The following TMEM30A variants were observed in gnomAD, a reference collection of about 807,000 sequenced individuals.
TMEM30A encodes cell division cycle 50 P4-ATPase accessory subunit A.
A neutral mutation model predicts 38.2 loss-of-function variants in TMEM30A; 24 were observed. That is an observed-to-expected ratio of 0.63 (90% CI 0.46 to 0.88). TMEM30A has a LOEUF of 0.88. Among genes scored for constraint, TMEM30A ranks in the 40% least tolerant of loss-of-function variants. The pLI is 0.00. For synonymous variants in TMEM30A, 145 were observed against 161.6 expected, an observed-to-expected ratio of 0.90 and a Z score of 0.78; for missense variants, 370 against 458.6, an observed-to-expected ratio of 0.81 and a Z score of 1.77.
At position 75,256,198 on chromosome 6, in the gene TMEM30A, G is replaced by T; in HGVS notation, c.990C>A (p.Ile330=). 2 of 1,613,374 alleles carry T rather than the reference G, an allele frequency of 1.2e-6. No homozygotes were observed. The highest frequency in any genetic ancestry group is 1.1e-5 in the South Asian group (1 of 91,034). ...GKNPFLGIAY[I]AVGSISFLLG... ...GAAGGAAGGAGATGGATCCAACAGC[G>T]ATGTAAGCAATCCCCAAAAATGGAT... Residue 330 remains isoleucine (I), a synonymous_variant, in exon 7 of 7, where the codon ATC becomes ATA. Coordinates refer to ENST00000230461, the MANE Select transcript of TMEM30A (RefSeq NM_018247.4).
At chr6:75,277,242 A>G (rs1276062926) in intron 1 of TMEM30A, among the ~76,000 whole-genome samples, 1 of 151,058 alleles carries the variant, frequency 6.6e-6, no homozygotes, top group East Asian at 2.0e-4. Context: ...TCAGATGGCT[A>G]AAGTATGAAT....
chr6:75,259,603 G>A (rs1303922965), intron 4 of TMEM30A, 113 bp from the exon 5 acceptor site: 1 of 868,920 alleles, frequency 1.2e-6, no homozygotes, highest in East Asian at 2.8e-5. Flanking sequence ...GGTTGTGACA[G>A]AGTAGGCATA....
chr6:75,268,825 G>T (rs1772115454), intron 1 of TMEM30A, among the ~76,000 whole-genome samples: 1 of 152,266 alleles, frequency 6.6e-6, no homozygotes, highest in East Asian at 1.9e-4. Context: ...ATTGCAGCTG[G>T]TGTCTGAAGT....
At position 75,255,363 on chromosome 6, in the gene TMEM30A, A is replaced by C. The variant is rs1318301706; in HGVS notation, c.*739T>G. 1 of 152,576 alleles carries C rather than the reference A, an allele frequency of 6.6e-6. No individual in the cohort carries two copies. The highest frequency in any genetic ancestry group is 2.4e-5 in the African/African-American group (1 of 41,452). 9.5% of individuals were successfully genotyped at this position (152,576 alleles called of 1,614,324 possible). On this transcript the variant is annotated 3_prime_UTR_variant, in exon 7 of 7. Transcript: ENST00000230461. ...CCTTATAAAGTATAAGCTTCAAGGG[A>C]AATGATTACATATAAAAACATTCCA... is the stretch of plus-strand genomic sequence containing the variant.
intron 3 of TMEM30A, among the ~76,000 whole-genome samples, chr6:75,263,544 A>G (rs1402167115): frequency 1.3e-5 from 2 of 152,206 alleles, no homozygotes; most frequent in Non-Finnish European, 2.9e-5. Context: ...TTTTGCATGG[A>G]AGGGCACTTA....
At chr6:75,273,761 A>G (rs1435535119) in intron 1 of TMEM30A, among the ~76,000 whole-genome samples, 1 of 152,236 alleles carries the variant, frequency 6.6e-6, no homozygotes, top group African/African-American at 2.4e-5. Flanking sequence ...GATGGATATC[A>G]CAGTTATACA....
At position 75,265,223 on chromosome 6, in the gene TMEM30A, T is replaced by C; in HGVS notation, c.453+8A>G. On this transcript the variant is annotated splice_region_variant and intron_variant, in intron 3 of 6. Transcript: ENST00000230461. ...ATATCATATTTTCATATTTATCATT[T>C]TACTTACAAGCAAAGCACTAGAATC... 1 of 1,510,380 alleles carries C rather than the reference T, an allele frequency of 6.6e-7. No individual in the cohort carries two copies. The highest frequency in any genetic ancestry group is 1.2e-5 in the South Asian group (1 of 85,286). The allele number at this position is 1,510,380 out of a possible 1,614,324, so 93.6% of individuals were successfully genotyped here.
chr6:75,259,929 T>G (rs1162564917), intron 4 of TMEM30A, among the ~76,000 whole-genome samples: 1 of 152,158 alleles, frequency 6.6e-6, no homozygotes. Context: ...GTTCTATAAG[T>G]GTACAATACA....
chr6:75,260,418 AG>A (rs1771945060), intron 4 of TMEM30A, among the ~76,000 whole-genome samples: 1 of 152,036 alleles, frequency 6.6e-6, no homozygotes, highest in African/African-American at 2.4e-5. Flanking sequence ...AAAAAGAAAA[AG>A]GAAAAAAAAA....
intron 3 of TMEM30A, 49 bp from the exon 4 acceptor site, chr6:75,260,960 G>A: frequency 7.6e-7 from 1 of 1,312,862 alleles, no homozygotes; most frequent in Non-Finnish European, 1.1e-6. Flanking sequence ...CAGGCCTTTG[G>A]GAGAACTATG....
chr6:75,259,510 G>A lies in TMEM30A; in HGVS notation c.542-20C>T, dbSNP rs369832254. On this transcript the variant is annotated intron_variant, in intron 4 of 6. Coordinates refer to ENST00000230461, the MANE Select transcript of TMEM30A (RefSeq NM_018247.4). The stretch of plus-strand genomic sequence containing the variant: ...ATGTATCTAAACACAAGCAAAGAAA[G>A]ACATTACTAACTATCTCTTGAAAAC... The A allele has an allele frequency of 6.3e-7, 1 of 1,574,944 alleles. No individual in the cohort carries two copies. The highest frequency in any genetic ancestry group is 8.6e-7 in the Non-Finnish European group (1 of 1,162,304).
rs1399182063 is a variant in TMEM30A at position 75,258,826 on chromosome 6, T to C, written c.846A>G (p.Leu282=). The C allele has an allele frequency of 2.5e-6, 4 of 1,613,978 alleles. No individual in the cohort carries two copies. In the African/African-American group the frequency reaches 4.0e-5, roughly 16 times the overall value. ...LYRLIERKSD[L]HPTLPAGRYS... Reference sequence around the variant, plus strand: ...ATCGGCCAGCTGGTAATGTTGGATGTAAATCACTTTTCCTTTCTATAAGAC... The same window carrying C: ...ATCGGCCAGCTGGTAATGTTGGATGCAAATCACTTTTCCTTTCTATAAGAC... Residue 282 remains leucine (L), a synonymous_variant, in exon 6 of 7, where the codon TTA becomes TTG. Coordinates refer to ENST00000230461, the MANE Select transcript of TMEM30A (RefSeq NM_018247.4).
chr6:75,256,109 G>T lies in TMEM30A; in HGVS notation c.1079C>A (p.Thr360Asn), dbSNP rs758427537. 4 of 1,598,740 alleles carry T rather than the reference G, an allele frequency of 2.5e-6. No homozygotes were observed. The Admixed American group carries it at 6.8e-5, about 27-fold the overall frequency. Residue 360 changes from threonine to asparagine, a missense_variant, in exon 7 of 7, where the codon ACC (threonine) becomes AAC (asparagine). Thr to Asn is a moderately conservative substitution (Grantham distance 65). Coordinates refer to ENST00000230461, the MANE Select transcript of TMEM30A (RefSeq NM_018247.4). ...YRNSSNTADI[T>N]I ...TGCTTTCATAATATAAAATTAAATGGTAATGTCAGCTGTATTACTACTGTT... is the reference window on the plus strand; with the variant it reads ...TGCTTTCATAATATAAAATTAAATGTTAATGTCAGCTGTATTACTACTGTT...
Position 75,284,705 on chromosome 6 carries a change from A to C in TMEM30A, c.-67T>G. The C allele has an allele frequency of 1.3e-6, 2 of 1,542,448 alleles. No individual in the cohort carries two copies. Among genetic ancestry groups the C allele is most frequent in the Non-Finnish European group, 1.8e-6 (2 of 1,124,734 alleles). ...CCAGGGGGCCCGCCGGCTGACCCTG[A>C]CAGGAACCGCTCGAGCGCCGCTGCC... On this transcript the variant is annotated 5_prime_UTR_variant, in exon 1 of 7. Coordinates refer to ENST00000230461, the MANE Select transcript of TMEM30A (RefSeq NM_018247.4).
chr6:75,273,906 T>C (rs1772216314), intron 1 of TMEM30A, among the ~76,000 whole-genome samples: 1 of 152,232 alleles, frequency 6.6e-6, no homozygotes, highest in African/African-American at 2.4e-5. Flanking sequence ...CTGAGTTTCA[T>C]TCACTCATTC....
chr6:75,277,020 T>C (rs1772272539), intron 1 of TMEM30A, among the ~76,000 whole-genome samples: 1 of 152,208 alleles, frequency 6.6e-6, no homozygotes, highest in African/African-American at 2.4e-5. Context: ...TTACTGAGGC[T>C]TCCCCTGGCT....
chr6:75,278,123 A>G (rs2149524492), intron 1 of TMEM30A, among the ~76,000 whole-genome samples: 1 of 152,308 alleles, frequency 6.6e-6, no homozygotes, highest in South Asian at 2.1e-4. Flanking sequence ...GAGTTTCACT[A>G]TGAAATCAAG....
chr6:75,266,249 T>A (rs1198762995), intron 2 of TMEM30A, among the ~76,000 whole-genome samples: 1 of 152,226 alleles, frequency 6.6e-6, no homozygotes, highest in Non-Finnish European at 1.5e-5. Flanking sequence ...TTTGATTTGC[T>A]ATTTTTATAT....
chr6:75,284,209 C>G, intron 1 of TMEM30A, 193 bp downstream of exon 1: 1 of 647,674 alleles, frequency 1.5e-6, no homozygotes, highest in Non-Finnish European at 2.7e-6. Context: ...CAAGACAAAG[C>G]TAGGACAAAC....
Sources: gnomAD v4.1 joint callset for allele counts (sites outside exome capture counted in the v4.1 genomes callset) on GRCh38, gnomAD v4.1.1 for gene constraint, MANE v1.5 for transcripts, NCBI Gene and HGNC (gene_info 2026-07-23, HGNC 2026-07-21) for gene names.